CTBP2: variants seen among roughly 807,000 people sequenced by gnomAD.
The protein encoded by CTBP2 is C-terminal-binding protein 2.
Under a neutral mutation model 80.3 loss-of-function variants are expected in CTBP2, and 30 were observed. The observed-to-expected ratio is 0.37, with a 90% CI of 0.28 to 0.51. The LOEUF (loss-of-function observed/expected upper bound fraction) is 0.51. Ranked by LOEUF, CTBP2 falls within the 20% of genes least tolerant of loss-of-function variation. The pLI is 0.93. For synonymous variants in CTBP2, 594 were observed against 587.4 expected, an observed-to-expected ratio of 1.01 and a Z score of -0.16; for missense variants, 1,212 against 1,375.3, an observed-to-expected ratio of 0.88 and a Z score of 1.88.
intron 1 of CTBP2, among the ~76,000 whole-genome samples, chr10:125,154,251 C>T (rs1323260018): frequency 3.3e-5 from 5 of 152,140 alleles, no homozygotes; most frequent in Admixed American, 2.6e-4. Context: ...AGCCCTCCCT[C>T]TCCCCCCTCA....
chr10:125,142,633 G>A (rs975587948), intron 1 of CTBP2, among the ~76,000 whole-genome samples: 5 of 152,180 alleles, frequency 3.3e-5, no homozygotes, highest in Non-Finnish European at 7.4e-5. Flanking sequence ...TTCTACATAG[G>A]ATTTTGAAAA....
rs937286205 is a variant in CTBP2 at position 125,041,963 on chromosome 10, C to G, written c.-101-2808G>C. Among the ~76,000 whole-genome samples, 342 of 140,302 alleles carry G rather than the reference C, an allele frequency of 2.4e-3. 1 individual carries two copies. The highest frequency in any genetic ancestry group is 8.6e-3 in the African/African-American group (329 of 38,124). The allele number at this position is 140,302 out of a possible 152,430, so 92.0% of individuals were successfully genotyped here. ...AAAAGAGGCTGACTCCCATGTCTGG[C>G]TTTTTTGGGGGTGGGGGTGGGGGAG... On this transcript the variant is annotated intron_variant, in intron 2 of 10. Transcript: ENST00000337195.
At chr10:125,060,054 C>T (rs1964663186) in intron 2 of CTBP2, among the ~76,000 whole-genome samples, 1 of 152,190 alleles carries the variant, frequency 6.6e-6, no homozygotes, top group Non-Finnish European at 1.5e-5. Flanking sequence ...TTCCATGTCA[C>T]TTTAGTTATC....
At chr10:124,994,714 A>G in intron 4 of CTBP2, 31 bp from the exon 7 acceptor site, 1 of 1,609,774 alleles carries the variant, frequency 6.2e-7, no homozygotes, top group Non-Finnish European at 8.5e-7. Context: ...CAGGTGAGTG[A>G]GTCCACAGCC....
intron 2 of CTBP2, among the ~76,000 whole-genome samples, chr10:125,049,547 T>C (rs940895531): frequency 6.6e-6 from 1 of 152,148 alleles, no homozygotes; most frequent in African/African-American, 2.4e-5. Flanking sequence ...TTGCTTTCAC[T>C]TTCCAGGACG....
chr10:125,040,513 G>A (rs1187375910), intron 2 of CTBP2, among the ~76,000 whole-genome samples: 5 of 144,474 alleles, frequency 3.5e-5, no homozygotes, highest in African/African-American at 1.3e-4. Context: ...CAACATTTAA[G>A]GCCCACTCTA....
intron 1 of CTBP2, among the ~76,000 whole-genome samples, chr10:125,013,616 C>T (rs955896704): frequency 6.6e-6 from 1 of 152,180 alleles, no homozygotes; most frequent in Non-Finnish European, 1.5e-5. Flanking sequence ...AGGATGGTCA[C>T]GGCCACTTCT....
At chr10:125,146,841 G>A (rs1452546612) in intron 1 of CTBP2, among the ~76,000 whole-genome samples, 1 of 152,178 alleles carries the variant, frequency 6.6e-6, no homozygotes, top group Admixed American at 6.5e-5. Flanking sequence ...ACGCACATGC[G>A]TACTGTGCCT....
intron 2 of CTBP2, among the ~76,000 whole-genome samples, chr10:125,074,822 C>T (rs1361188010): frequency 6.6e-6 from 1 of 152,228 alleles, no homozygotes; most frequent in South Asian, 2.1e-4. Flanking sequence ...CAGGGCTGTT[C>T]CTCATCAGCT....
intron 1 of CTBP2, among the ~76,000 whole-genome samples, chr10:125,140,787 C>T (rs1182902622): frequency 6.6e-6 from 1 of 152,090 alleles, no homozygotes; most frequent in Non-Finnish European, 1.5e-5. Flanking sequence ...CACACCACTG[C>T]ACTGCAGCAT....
At chr10:125,145,384 C>A (rs1014569501) in intron 1 of CTBP2, among the ~76,000 whole-genome samples, 7 of 152,118 alleles carry the variant, frequency 4.6e-5, no homozygotes, top group African/African-American at 1.7e-4. Flanking sequence ...CTTTTGAGCA[C>A]CCCCAACCCC....
chr10:125,028,278 C>T (rs2938005), upstream of CTBP2, among the ~76,000 whole-genome samples: 66,659 of 152,046 alleles, frequency 0.44, 15,167 homozygotes, highest in East Asian at 0.63. Context: ...ATGAACCCTG[C>T]CTCCCCCTCT....
At chr10:125,067,543 A>G (rs1025275864) in intron 2 of CTBP2, among the ~76,000 whole-genome samples, 1 of 152,272 alleles carries the variant, frequency 6.6e-6, no homozygotes, top group African/African-American at 2.4e-5. Context: ...GTTCTTAAAA[A>G]TATCCATTTA....
At chr10:125,133,169 T>A (rs1303340836) in intron 1 of CTBP2, among the ~76,000 whole-genome samples, 1 of 152,166 alleles carries the variant, frequency 6.6e-6, no homozygotes, top group Admixed American at 6.5e-5. Flanking sequence ...ATGTGTCTGG[T>A]GCATGGAAAT....
chr10:125,097,135 T>A (rs1849664284), intron 2 of CTBP2, among the ~76,000 whole-genome samples: 1 of 152,234 alleles, frequency 6.6e-6, no homozygotes, highest in Non-Finnish European at 1.5e-5. Context: ...GAAAATTTAA[T>A]GAGATAGTAG....
chr10:125,016,281 C>T (rs1281361273), intron 1 of CTBP2, among the ~76,000 whole-genome samples: 1 of 152,192 alleles, frequency 6.6e-6, no homozygotes, highest in African/African-American at 2.4e-5. Flanking sequence ...GTGCCACTGC[C>T]AAGTTCCAGG....
At chr10:125,031,864 G>C (rs1958266692), upstream of CTBP2, among the ~76,000 whole-genome samples, 1 of 152,200 alleles carries the variant, frequency 6.6e-6, no homozygotes, top group African/African-American at 2.4e-5. Flanking sequence ...TCGAGTGTCT[G>C]AACCAACCCA....
At chr10:125,099,631 T>C (rs1045994954) in intron 2 of CTBP2, among the ~76,000 whole-genome samples, 2 of 152,194 alleles carry the variant, frequency 1.3e-5, no homozygotes, top group Admixed American at 6.5e-5. Context: ...AACAAGTTTG[T>C]ATGGAAAATA....
At chr10:125,149,316 G>A (rs1859380167) in intron 1 of CTBP2, among the ~76,000 whole-genome samples, 1 of 152,220 alleles carries the variant, frequency 6.6e-6, no homozygotes, top group Admixed American at 6.5e-5. Flanking sequence ...ACCACAGAAA[G>A]GAGAGGGCTG....
Sources: gnomAD v4.1 joint callset for allele counts (sites outside exome capture counted in the v4.1 genomes callset) on GRCh38, gnomAD v4.1.1 for gene constraint, MANE v1.5 for transcripts, NCBI Gene and HGNC (gene_info 2026-07-23, HGNC 2026-07-21) for gene names.